Variants in OR1F1 observed in about 807,000 individuals in gnomAD.
OR1F1 encodes the protein olfactory receptor family 1 subfamily F member 1.
For synonymous variants in OR1F1, 184 were observed against 156.7 expected (o/e 1.17, Z -1.30); for missense variants, 493 against 376.3 (o/e 1.31, Z -2.57).
chr16:3,196,868 G>C, the OR1F1 span, among the ~76,000 whole-genome samples: 2 of 150,784 alleles, frequency 1.3e-5, no homozygotes, highest in African/African-American at 4.9e-5. Flanking sequence ...CTATTTTGTT[G>C]TTGTTGTTGT....
chr16:3,195,775 C>T, the OR1F1 span, among the ~76,000 whole-genome samples: 1 of 152,080 alleles, frequency 6.6e-6, no homozygotes, highest in Non-Finnish European at 1.5e-5. Context: ...TTGTTAACTG[C>T]TATATCCCCA....
chr16:3,198,832 AC>A, the OR1F1 span, among the ~76,000 whole-genome samples: 1 of 152,016 alleles, frequency 6.6e-6, no homozygotes, highest in Non-Finnish European at 1.5e-5. Context: ...TACAAAAAAT[AC>A]AAAAATTAGC....
chr16:3,193,099 G>C, the OR1F1 span, among the ~76,000 whole-genome samples: 2 of 152,044 alleles, frequency 1.3e-5, no homozygotes, highest in African/African-American at 4.8e-5. Flanking sequence ...GCTAATTTTT[G>C]TATTTTTAGT....
At chr16:3,195,025 G>C in the OR1F1 span, among the ~76,000 whole-genome samples, 1 of 152,200 alleles carries the variant, frequency 6.6e-6, no homozygotes, top group African/African-American at 2.4e-5. Context: ...AGATTGGCGT[G>C]TCACTCAGTG....
the OR1F1 span, among the ~76,000 whole-genome samples, chr16:3,197,401 G>T: frequency 1.3e-5 from 2 of 152,134 alleles, no homozygotes; most frequent in African/African-American, 4.8e-5. Context: ...CAATGAGATA[G>T]GTTATGTCGT....
At chr16:3,198,049 AGGAGAG>A in the OR1F1 span, among the ~76,000 whole-genome samples, 2 of 84,034 alleles carry the variant, frequency 2.4e-5, no homozygotes, top group Non-Finnish European at 4.6e-5. Flanking sequence ...GAGAGGGAGA[AGGAGAG>A]GGAGAGGGAG....
the OR1F1 span, among the ~76,000 whole-genome samples, chr16:3,194,103 AAT>A: frequency 6.6e-6 from 1 of 152,316 alleles, no homozygotes; most frequent in Admixed American, 6.5e-5. Context: ...AAACGGCATG[AAT>A]TTGGAAGAAA....
At chr16:3,192,293 TC>T in the OR1F1 span, among the ~76,000 whole-genome samples, 1 of 152,190 alleles carries the variant, frequency 6.6e-6, no homozygotes, top group African/African-American at 2.4e-5. Flanking sequence ...GACCTCGTGA[TC>T]CGCCCGCCTC....
At chr16:3,195,054 G>C in the OR1F1 span, among the ~76,000 whole-genome samples, 3 of 152,184 alleles carry the variant, frequency 2.0e-5, no homozygotes, top group Non-Finnish European at 4.4e-5. Flanking sequence ...GGTGGCGGAA[G>C]GCCCCGTGTC....
chr16:3,204,182 C>A, upstream of OR1F1: 1 of 1,268,918 alleles, frequency 7.9e-7, no homozygotes, highest in Non-Finnish European at 1.1e-6. Flanking sequence ...CCATCTTAAC[C>A]AGCATTTTCC....
chr16:3,200,095 C>G (rs529370144), upstream of OR1F1, among the ~76,000 whole-genome samples: 2 of 151,810 alleles, frequency 1.3e-5, no homozygotes, highest in African/African-American at 4.8e-5. Flanking sequence ...GAGGGCAGGC[C>G]GCTTGTAAGA....
chr16:3,195,101 C>T, the OR1F1 span, among the ~76,000 whole-genome samples: 4 of 152,314 alleles, frequency 2.6e-5, no homozygotes, highest in South Asian at 6.2e-4. Flanking sequence ...CCGGGAAGCG[C>T]ATCCCGGCCC....
At chr16:3,196,673 C>A in the OR1F1 span, among the ~76,000 whole-genome samples, 1 of 151,448 alleles carries the variant, frequency 6.6e-6, no homozygotes, top group African/African-American at 2.4e-5. Flanking sequence ...CAGATGTAAG[C>A]CACCACGACT....
At chr16:3,196,845 C>T in the OR1F1 span, among the ~76,000 whole-genome samples, 10 of 151,258 alleles carry the variant, frequency 6.6e-5, no homozygotes, top group Non-Finnish European at 1.3e-4. Flanking sequence ...ACTGGCGCCA[C>T]CACCATGCCC....
chr16:3,195,995 C>G, the OR1F1 span, among the ~76,000 whole-genome samples: 32 of 152,330 alleles, frequency 2.1e-4, no homozygotes, highest in South Asian at 6.6e-3. Flanking sequence ...CTGTGCCACC[C>G]GCCAGCAGGA....
At chr16:3,191,020 C>T in the OR1F1 span, among the ~76,000 whole-genome samples, 1 of 152,160 alleles carries the variant, frequency 6.6e-6, no homozygotes, top group East Asian at 1.9e-4. Context: ...GCTACATGCA[C>T]GTCACAGTAG....
chr16:3,191,566 G>A, the OR1F1 span, among the ~76,000 whole-genome samples: 5 of 152,018 alleles, frequency 3.3e-5, no homozygotes, highest in East Asian at 1.9e-4. Flanking sequence ...CGAGCCCCAC[G>A]TTGGGCGACT....
chr16:3,200,555 G>A (rs150894409), upstream of OR1F1, among the ~76,000 whole-genome samples: 6,731 of 152,254 alleles, frequency 0.044, 526 homozygotes, highest in African/African-American at 0.15. Flanking sequence ...CCAAGATTGC[G>A]CCACTGCGCT....
the OR1F1 span, among the ~76,000 whole-genome samples, chr16:3,190,308 C>G: frequency 6.6e-6 from 1 of 152,232 alleles, no homozygotes; most frequent in African/African-American, 2.4e-5. Flanking sequence ...GTACCCCGTC[C>G]TGAGTCCCAG....
Sources: allele counts gnomAD v4.1 joint callset (sites outside exome capture counted in the v4.1 genomes callset), GRCh38; gene constraint gnomAD v4.1.1; transcripts MANE v1.5; gene names NCBI Gene and HGNC (gene_info 2026-07-23, HGNC 2026-07-21).